PTPRK: variants seen among roughly 807,000 people sequenced by gnomAD.
The protein encoded by PTPRK is receptor-type tyrosine-protein phosphatase kappa.
PTPRK carries 75 observed loss-of-function variants against 178.0 expected under a neutral mutation model. The observed-to-expected ratio is 0.42, with a 90% confidence interval of 0.35 to 0.51. The LOEUF is 0.51. Ranked by LOEUF, PTPRK falls within the 20% of genes least tolerant of loss-of-function variation. PTPRK has a pLI of 0.02. For synonymous variants in PTPRK, 637 were observed against 620.6 expected, an observed-to-expected ratio of 1.03 and a Z score of -0.39; for missense variants, 1,441 against 1,797.8, an observed-to-expected ratio of 0.80 and a Z score of 3.59.
intron 1 of PTPRK, among the ~76,000 whole-genome samples, chr6:128,474,232 A>G (rs1405764359): frequency 6.6e-6 from 1 of 152,078 alleles, no homozygotes; most frequent in Non-Finnish European, 1.5e-5. Context: ...TAAGAGAAAC[A>G]TGAATGTTTA....
chr6:128,074,205 A>G (rs891602398), intron 11 of PTPRK, among the ~76,000 whole-genome samples: 2 of 152,190 alleles, frequency 1.3e-5, no homozygotes, highest in African/African-American at 4.8e-5. Context: ...TCCACAAAAC[A>G]AAGTAACCTT....
At chr6:128,093,140 C>T (rs1787270886) in intron 7 of PTPRK, among the ~76,000 whole-genome samples, 1 of 152,170 alleles carries the variant, frequency 6.6e-6, no homozygotes, top group African/African-American at 2.4e-5. Context: ...TATGTTCTTG[C>T]TCCTCCTCAA....
intron 2 of PTPRK, among the ~76,000 whole-genome samples, chr6:128,364,457 T>C (rs1268626263): frequency 1.3e-5 from 2 of 152,082 alleles, no homozygotes; most frequent in Admixed American, 6.6e-5. Flanking sequence ...CTTAGAAACA[T>C]ATAATTGATT....
chr6:128,193,453 T>C (rs1403953868), intron 6 of PTPRK, among the ~76,000 whole-genome samples: 2 of 151,436 alleles, frequency 1.3e-5, no homozygotes, highest in African/African-American at 4.9e-5. Context: ...TAAGAAATTG[T>C]ATATAATTGT....
rs528939410 is a variant in PTPRK at position 127,992,117 on chromosome 6, T to G, written c.2881+556A>C. Among the ~76,000 whole-genome samples, 10 of 151,926 alleles carry G rather than the reference T, an allele frequency of 6.6e-5. No homozygotes were observed. The South Asian group carries it at 1.4e-3, about 22-fold the overall frequency. ...TAGAGAGATAACTACAGATGCTTTT[T>G]TTGTTGTTGTTATTTGGATACTTTT... is the stretch of plus-strand genomic sequence containing the variant. On this transcript the variant is annotated intron_variant, in intron 19 of 29. Coordinates refer to ENST00000368226, the MANE Select transcript of PTPRK (RefSeq NM_002844.4).
chr6:128,380,755 G>A (rs376119575), intron 2 of PTPRK, among the ~76,000 whole-genome samples: 4 of 152,178 alleles, frequency 2.6e-5, no homozygotes, highest in East Asian at 1.9e-4. Context: ...TTCAACAGAC[G>A]TAACCAAGGC....
chr6:128,053,880 A>G (rs1350234759), intron 13 of PTPRK, among the ~76,000 whole-genome samples: 1 of 149,188 alleles, frequency 6.7e-6, no homozygotes, highest in Non-Finnish European at 1.5e-5. Flanking sequence ...ATTTTTAAGG[A>G]AAAAAAGGGA....
chr6:128,308,398 T>C (rs1450522057), intron 3 of PTPRK, among the ~76,000 whole-genome samples: 2 of 151,720 alleles, frequency 1.3e-5, no homozygotes, highest in African/African-American at 4.8e-5. Flanking sequence ...TGATTAGTCA[T>C]GTATAAAATA....
At chr6:128,189,766 T>G (rs1490090718) in intron 6 of PTPRK, among the ~76,000 whole-genome samples, 1 of 152,202 alleles carries the variant, frequency 6.6e-6, no homozygotes, top group Non-Finnish European at 1.5e-5. Context: ...TTTATCCAGT[T>G]CTGGTTCCTG....
intron 1 of PTPRK, among the ~76,000 whole-genome samples, chr6:128,438,667 G>A (rs998842781): frequency 2.0e-5 from 3 of 152,164 alleles, no homozygotes; most frequent in African/African-American, 7.2e-5. Context: ...AGTGAACTAG[G>A]GCTGCCCCAG....
chr6:128,369,673 G>T (rs1835997888), intron 2 of PTPRK, among the ~76,000 whole-genome samples: 1 of 152,052 alleles, frequency 6.6e-6, no homozygotes. Flanking sequence ...TGAAAGTTTA[G>T]CAATTTTTTA....
At chr6:128,306,920 C>T (rs17055598) in intron 3 of PTPRK, among the ~76,000 whole-genome samples, 1,543 of 151,878 alleles carry the variant, frequency 0.01, 26 homozygotes, top group African/African-American at 0.035. Flanking sequence ...TGAAACATTT[C>T]GGAGGTCTGA....
chr6:128,402,438 A>C (rs1841147003), intron 1 of PTPRK, among the ~76,000 whole-genome samples: 1 of 152,072 alleles, frequency 6.6e-6, no homozygotes, highest in Non-Finnish European at 1.5e-5. Context: ...TTTTTAGTAG[A>C]GACGGGGTTT....
intron 1 of PTPRK, among the ~76,000 whole-genome samples, chr6:128,449,926 T>C (rs1022788599): frequency 7.4e-6 from 1 of 135,310 alleles, no homozygotes; most frequent in African/African-American, 2.8e-5. Flanking sequence ...TGAAGCCCCG[T>C]CTTTACTAAA....
At chr6:128,256,924 G>T (rs1423466726) in intron 3 of PTPRK, among the ~76,000 whole-genome samples, 2 of 152,074 alleles carry the variant, frequency 1.3e-5, no homozygotes, top group East Asian at 3.9e-4. Flanking sequence ...TAGTTAGGAA[G>T]AATAGAACAG....
intron 1 of PTPRK, among the ~76,000 whole-genome samples, chr6:128,459,221 G>A (rs910200310): frequency 1.3e-5 from 2 of 151,988 alleles, no homozygotes; most frequent in Non-Finnish European, 2.9e-5. Flanking sequence ...ATAGTTATAC[G>A]ATCACACTAA....
At position 128,394,770 on chromosome 6, in the gene PTPRK, A is replaced by C. The variant is rs61436347; in HGVS notation, c.223+2796T>G. ...TTTAAGCAATGATTGATGGTACTGT[A>C]TCTCCTCATGAATAGAAACAATTTT... On this transcript the variant is annotated intron_variant, in intron 2 of 29. Coordinates refer to ENST00000368226, the MANE Select transcript of PTPRK (RefSeq NM_002844.4). 5.7e-3 allele frequency among the ~76,000 whole-genome samples: 868 copies of C among 152,308 alleles called. 9 individuals are homozygous for C. The highest frequency in any genetic ancestry group is 0.02 in the African/African-American group (814 of 41,580).
At chr6:128,199,049 A>T (rs1805433081) in intron 6 of PTPRK, among the ~76,000 whole-genome samples, 1 of 152,104 alleles carries the variant, frequency 6.6e-6, no homozygotes, top group African/African-American at 2.4e-5. Flanking sequence ...AATTAAGAAA[A>T]TTTTTTGCCA....
At chr6:128,230,682 T>C (rs1812147149) in intron 5 of PTPRK, 2 of 152,186 alleles carry the variant, frequency 1.3e-5, no homozygotes, top group African/African-American at 4.8e-5. Flanking sequence ...GTTGTAATAC[T>C]GATCCCAGGA....
Sources: gnomAD v4.1 joint callset for allele counts (sites outside exome capture counted in the v4.1 genomes callset) on GRCh38, gnomAD v4.1.1 for gene constraint, MANE v1.5 for transcripts, NCBI Gene and HGNC (gene_info 2026-07-23, HGNC 2026-07-21) for gene names.